PDE1A: variants seen among roughly 807,000 people sequenced by gnomAD.
The protein encoded by PDE1A is phosphodiesterase 1A.
PDE1A carries 35 observed loss-of-function variants against 61.7 expected under a neutral mutation model. That is an observed-to-expected ratio of 0.57 (90% CI 0.43 to 0.75). The LOEUF is 0.75. PDE1A is among the 30% of genes least tolerant of loss of function. PDE1A has a pLI of 0.00. For synonymous variants in PDE1A, 232 were observed against 213.2 expected (o/e 1.09, Z -0.77); for missense variants, 597 against 630.6 (o/e 0.95, Z 0.57).
At chr2:182,582,212 G>A in the PDE1A span, among the ~76,000 whole-genome samples, 1 of 152,128 alleles carries the variant, frequency 6.6e-6, no homozygotes, top group Non-Finnish European at 1.5e-5. Context: ...CAAGGAGTTG[G>A]AAATATAAAG....
intron 1 of PDE1A, among the ~76,000 whole-genome samples, chr2:182,383,543 T>C (rs1700852471): frequency 2.0e-5 from 3 of 152,188 alleles, no homozygotes; most frequent in African/African-American, 7.2e-5. Context: ...GTGAATTAGA[T>C]AACATTTTAG....
At chr2:182,418,975 AACTGCAATC>A (rs1169415203) in intron 1 of PDE1A, among the ~76,000 whole-genome samples, 1 of 152,142 alleles carries the variant, frequency 6.6e-6, no homozygotes, top group Non-Finnish European at 1.5e-5. Context: ...AAGATTTACA[AACTGCAATC>A]GCTGATACAA....
At chr2:182,587,744 G>C in the PDE1A span, among the ~76,000 whole-genome samples, 9 of 152,008 alleles carry the variant, frequency 5.9e-5, no homozygotes, top group African/African-American at 2.2e-4. Flanking sequence ...GAGTTCACTG[G>C]GGAATTTCTG....
the PDE1A span, among the ~76,000 whole-genome samples, chr2:182,680,016 T>C: frequency 1.3e-5 from 2 of 152,042 alleles, no homozygotes; most frequent in Admixed American, 6.5e-5. Flanking sequence ...TGAAACAAAA[T>C]TGAATGCCCA....
chr2:182,196,382 T>G (rs1686133742), intron 10 of PDE1A, among the ~76,000 whole-genome samples: 1 of 151,934 alleles, frequency 6.6e-6, no homozygotes, highest in Admixed American at 6.6e-5. Flanking sequence ...TATTTGGAGA[T>G]CTAATGGTAA....
chr2:182,655,652 C>T, the PDE1A span, among the ~76,000 whole-genome samples: 1 of 152,168 alleles, frequency 6.6e-6, no homozygotes, highest in East Asian at 1.9e-4. Flanking sequence ...AGGCATTTGC[C>T]TGTGTTGAGG....
chr2:182,634,586 T>G, the PDE1A span, among the ~76,000 whole-genome samples: 2 of 152,122 alleles, frequency 1.3e-5, no homozygotes, highest in African/African-American at 2.4e-5. Flanking sequence ...TTTTCTGAGA[T>G]GCTAAGGATT....
the PDE1A span, among the ~76,000 whole-genome samples, chr2:182,607,208 G>A: frequency 6.6e-6 from 1 of 152,160 alleles, no homozygotes; most frequent in African/African-American, 2.4e-5. Context: ...CTATCTGGGA[G>A]GCCTGATGGT....
At chr2:182,423,893 T>C (rs974800706) in intron 1 of PDE1A, among the ~76,000 whole-genome samples, 3 of 151,500 alleles carry the variant, frequency 2.0e-5, no homozygotes, top group Admixed American at 2.0e-4. Context: ...TATATAGAAA[T>C]TTGAAACTAT....
At chr2:182,327,021 G>C (rs986627207) in intron 1 of PDE1A, among the ~76,000 whole-genome samples, 1 of 152,146 alleles carries the variant, frequency 6.6e-6, no homozygotes, top group Non-Finnish European at 1.5e-5. Context: ...ATGCTAAATT[G>C]GTTCACTATC....
chr2:182,584,620 T>C, the PDE1A span, among the ~76,000 whole-genome samples: 1 of 152,194 alleles, frequency 6.6e-6, no homozygotes, highest in Non-Finnish European at 1.5e-5. Context: ...TGTGCAATGC[T>C]CACCATCTAA....
intron 1 of PDE1A, among the ~76,000 whole-genome samples, chr2:182,295,232 G>T (rs1322431879): frequency 6.6e-6 from 1 of 151,178 alleles, no homozygotes; most frequent in African/African-American, 2.4e-5. Context: ...CCACCACCGC[G>T]CCCGGCTAAT....
At chr2:182,357,270 G>A (rs1277045295) in intron 1 of PDE1A, among the ~76,000 whole-genome samples, 2 of 151,468 alleles carry the variant, frequency 1.3e-5, no homozygotes, top group African/African-American at 4.9e-5. Flanking sequence ...AGAGCAAGGA[G>A]GAAGGAAAAC....
chr2:182,604,267 A>C, the PDE1A span, among the ~76,000 whole-genome samples: 1 of 152,208 alleles, frequency 6.6e-6, no homozygotes, highest in Non-Finnish European at 1.5e-5. Context: ...CAGTGCTTAG[A>C]TAACCTGTCT....
chr2:182,165,310 C>G (rs969329671), downstream of PDE1A, among the ~76,000 whole-genome samples: 5 of 152,062 alleles, frequency 3.3e-5, no homozygotes, highest in African/African-American at 1.2e-4. Context: ...GGGAGGCATG[C>G]TTCTACTAGG....
chr2:182,699,556 G>A, the PDE1A span, among the ~76,000 whole-genome samples: 1 of 152,098 alleles, frequency 6.6e-6, no homozygotes, highest in Non-Finnish European at 1.5e-5. Context: ...TTGGATTTGA[G>A]TTAATACCTC....
intron 1 of PDE1A, among the ~76,000 whole-genome samples, chr2:182,307,825 T>C (rs1695691428): frequency 6.6e-6 from 1 of 152,104 alleles, no homozygotes; most frequent in African/African-American, 2.4e-5. Context: ...CACTGAACTC[T>C]AGCATGAACA....
At chr2:182,623,882 T>C in the PDE1A span, among the ~76,000 whole-genome samples, 1 of 151,828 alleles carries the variant, frequency 6.6e-6, no homozygotes. Flanking sequence ...CCCCAGCACT[T>C]TGGGAGGCCG....
At chr2:182,513,610 C>G (rs58161256) in intron 2 of PDE1A, among the ~76,000 whole-genome samples, 1 of 152,126 alleles carries the variant, frequency 6.6e-6, no homozygotes, top group Non-Finnish European at 1.5e-5. Flanking sequence ...TAACCTTGGA[C>G]GTAAACAGGC....
Sources: allele counts gnomAD v4.1 joint callset (sites outside exome capture counted in the v4.1 genomes callset), GRCh38; gene constraint gnomAD v4.1.1; transcripts MANE v1.5; gene names NCBI Gene and HGNC (gene_info 2026-07-23, HGNC 2026-07-21).